IGFBP3: variants seen among roughly 807,000 people sequenced by gnomAD.
IGFBP3 encodes the protein insulin like growth factor binding protein 3, also known as insulin-like growth factor-binding protein 3.
Under a neutral mutation model 28.6 loss-of-function variants are expected in IGFBP3, and 9 were observed. The ratio of observed to expected loss-of-function variants is 0.31; its 90% CI spans 0.19 to 0.55. The LOEUF (loss-of-function observed/expected upper bound fraction) is 0.55, where lower values mean the gene tolerates loss of function less well. Ranked by LOEUF, IGFBP3 falls within the 20% of genes least tolerant of loss-of-function variation. The probability of loss-of-function intolerance (pLI) is 0.93; values close to 1 mark genes in which losing one functional copy is unlikely to be tolerated. For missense variants in IGFBP3, 382 were observed against 428.9 expected (o/e 0.89, Z 0.97); for synonymous variants, 185 against 188.2 (o/e 0.98, Z 0.14).
chr7:45,917,432 A>G lies in IGFBP3; in HGVS notation c.411T>C (p.Ala137=). 6.2e-7 allele frequency: 1 copy of G among 1,608,124 alleles called. No homozygotes were observed. The highest frequency in any genetic ancestry group is 1.3e-5 in the African/African-American group (1 of 74,848). ...LLPAPPAPGN[A]SESEEDRSAG... Reference sequence around the variant, plus strand: ...CGCTGCGGTCTTCCTCCGACTCACTAGCATTTCCTTAAAACGCCCAAGAGA... The same window carrying G: ...CGCTGCGGTCTTCCTCCGACTCACTGGCATTTCCTTAAAACGCCCAAGAGA... Residue 137 remains alanine, a synonymous_variant, in exon 2 of 5, where the codon GCT becomes GCC. Coordinates refer to ENST00000613132, the MANE Select transcript of IGFBP3 (RefSeq NM_000598.5).
In IGFBP3 at chr7:45,912,334, A is replaced by G. The variant is rs1374514139; in HGVS notation, c.*1516T>C. 6.6e-6 allele frequency: 1 copy of G among 151,886 alleles called. No homozygotes were observed. Among genetic ancestry groups the G allele is most frequent in the East Asian group, 1.9e-4 (1 of 5,204 alleles). 9.4% of individuals were successfully genotyped at this position (151,886 alleles called of 1,614,324 possible). A position where few individuals can be genotyped will look rare whatever the true frequency, so the allele number is the denominator to read the frequency against. ...GTGATACAAAGCCCAGAGATGGTCAATAACAAAGGGAAAGATATTTTTTTA... is the reference window on the plus strand; with the variant it reads ...GTGATACAAAGCCCAGAGATGGTCAGTAACAAAGGGAAAGATATTTTTTTA... On this transcript the variant is annotated 3_prime_UTR_variant, in exon 5 of 5. Transcript: ENST00000613132.
rs772546604 is a variant in IGFBP3, at chr7:45,916,642, T to C, written c.656A>G (p.Asp219Gly). Residue 219 changes from aspartate to glycine, a missense_variant, in exon 3 of 5, where the codon GAC becomes GGC. By Grantham distance (94) the Asp-to-Gly change is moderately conservative. Coordinates refer to ENST00000613132, the MANE Select transcript of IGFBP3 (RefSeq NM_000598.5). ...EYGPCRREME[D>G]TLNHLKFLNV... ...GAGGAACTTCAGGTGATTCAGTGTG[T>C]CTTCCATTTCTCTACGGCAGGGACC... 13 of 1,612,964 alleles carry C rather than the reference T, an allele frequency of 8.1e-6. No individual in the cohort carries two copies. The African/African-American group carries it at 1.1e-4, about 13-fold the overall frequency.
rs1330675011 is a variant in IGFBP3, at chr7:45,921,192, G to GGC, written c.-54_-53dup. 2.0e-6 allele frequency: 3 copies of GGC among 1,495,868 alleles called. No individual in the cohort carries two copies. The African/African-American group carries it at 4.3e-5, about 22-fold the overall frequency. 92.7% of individuals were successfully genotyped at this position (1,495,868 alleles called of 1,614,324 possible). On this transcript the variant is annotated 5_prime_UTR_variant, in exon 1 of 5. Coordinates refer to ENST00000613132, the MANE Select transcript of IGFBP3 (RefSeq NM_000598.5). Reference sequence around the variant, plus strand: ...TGGCAGGCTGGGCGCGCAGGGATGGGGCGACAGTACACGGCGCGAAGCTGT... The same window carrying GGC: ...TGGCAGGCTGGGCGCGCAGGGATGGGGCGCGACAGTACACGGCGCGAAGCTGT...
Position 45,919,601 on chromosome 7 carries a change from GGCCTGCCCA to G in IGFBP3, c.403+1128_403+1136del, listed in dbSNP as rs1784657202. Reference sequence around the variant, plus strand: ...GTTCATCCTGCTAGCCCTAGATGGGGGCCTGCCCAGTGACATCTGTCCAACGTGATCGTT... The same window carrying G: ...GTTCATCCTGCTAGCCCTAGATGGGGGTGACATCTGTCCAACGTGATCGTT... On this transcript the variant is annotated intron_variant, in intron 1 of 4. Transcript: ENST00000613132. Among the ~76,000 whole-genome samples the G allele has an allele frequency of 3.3e-5, 5 of 152,198 alleles. No homozygotes were observed. The South Asian group carries it at 1.0e-3, about 31-fold the overall frequency.
rs764547257 is a variant in IGFBP3 at position 45,916,657 on chromosome 7, C to T, written c.641G>A (p.Arg214His). ...ATTCAGTGTGTCTTCCATTTCTCTA[C>T]GGCAGGGACCCTGGGGATCAGGAAG... Reference protein sequence around the residue: ...SKRETEYGPCRREMEDTLNHL... With the variant: ...SKRETEYGPCHREMEDTLNHL... The change falls in exon 3 of 5, where the codon CGT (arginine) becomes CAT (histidine). Residue 214 changes from arginine to histidine, a missense_variant. Transcript: ENST00000613132. The T allele has an allele frequency of 4.4e-5, 71 of 1,612,440 alleles. No homozygotes were observed. Among genetic ancestry groups the T allele is most frequent in the Middle Eastern group, 1.6e-4 (1 of 6,080 alleles).
At position 45,914,821 on chromosome 7, in the gene IGFBP3, T is replaced by C; in HGVS notation, c.875A>G (p.Ter292TrpextTer40). 6.2e-7 allele frequency: 1 copy of C among 1,613,990 alleles called. No individual in the cohort carries two copies. The highest frequency in any genetic ancestry group is 8.5e-7 in the Non-Finnish European group (1 of 1,179,902). ...AGTACTCACCCTTGCGGCAGGCGTC[T>C]ACTTGCTCTGCATGCTGTAGCAGTG... The part of the protein sequence containing the change: ...DVHCYSMQSK[*>W] The change falls in exon 4 of 5, where the codon TAG becomes TGG. Residue 292 changes from the stop codon to tryptophan (W), a stop_lost. Coordinates refer to ENST00000613132, the MANE Select transcript of IGFBP3 (RefSeq NM_000598.5).
intron 3 of IGFBP3, among the ~76,000 whole-genome samples, chr7:45,915,969 C>T (rs1363144317): frequency 6.6e-6 from 1 of 152,202 alleles, no homozygotes; most frequent in Non-Finnish European, 1.5e-5. Context: ...CTGCAGTCAT[C>T]CCCCCACTCA....
rs148033014 is a variant in IGFBP3, at chr7:45,917,236, C to T, written c.607G>A (p.Glu203Lys). 43 of 1,613,610 alleles carry T rather than the reference C, an allele frequency of 2.7e-5. No individual in the cohort carries two copies. Among genetic ancestry groups the T allele is most frequent in the East Asian group, 2.2e-5 (1 of 44,840 alleles). Reference protein sequence around the residue: ...QSTDTQNFSSESKRETEYGPC... With the variant: ...QSTDTQNFSSKSKRETEYGPC... ...ACATATTCTGTCTCCCGCTTGGACT[C>T]GGAGGAGAAGTTCTGGGTATCTGTG... Residue 203 changes from glutamate to lysine, a missense_variant, in exon 2 of 5, where the codon GAG (glutamate) becomes AAG (lysine). By Grantham distance (56) the Glu-to-Lys change is moderately conservative. Coordinates refer to ENST00000613132, the MANE Select transcript of IGFBP3 (RefSeq NM_000598.5).
At chr7:45,920,666 C>T (rs986270275) in intron 1 of IGFBP3, 72 bp downstream of exon 1, 3 of 1,266,314 alleles carry the variant, frequency 2.4e-6, no homozygotes, top group Non-Finnish European at 2.0e-6. Context: ...CAGCGGCACC[C>T]AGCAACCCCC....
chr7:45,921,125 G>A lies in IGFBP3; in HGVS notation c.16C>T (p.Pro6Ser), dbSNP rs1376715706. Reference sequence around the variant, plus strand: ...GTCAGCGCAGCGGCCCAGAGCGTGGGTCGCGCCCGCTGCATGACGCCTGCA... The same window carrying A: ...GTCAGCGCAGCGGCCCAGAGCGTGGATCGCGCCCGCTGCATGACGCCTGCA... MQRAR[P>S]TLWAAALTLL... The change falls in exon 1 of 5, where the codon CCC becomes TCC. Residue 6 changes from proline (P) to serine (S), a missense_variant. Physicochemically the swap from Pro to Ser is moderately conservative, Grantham distance 74 (BLOSUM62 -1). Transcript: ENST00000613132. The A allele has an allele frequency of 1.3e-6, 2 of 1,497,848 alleles. No individual in the cohort carries two copies. The highest frequency in any genetic ancestry group is 2.8e-5 in the East Asian group (1 of 35,952). 92.8% of individuals were successfully genotyped at this position (1,497,848 alleles called of 1,614,324 possible).
At chr7:45,916,178 T>C (rs1210234289) in intron 3 of IGFBP3, among the ~76,000 whole-genome samples, 1 of 152,162 alleles carries the variant, frequency 6.6e-6, no homozygotes, top group Non-Finnish European at 1.5e-5. Context: ...CTGACTATAA[T>C]AGTTGTTTGA....
intron 1 of IGFBP3, 110 bp downstream of exon 1, chr7:45,920,627 TC>T: frequency 9.3e-7 from 1 of 1,072,914 alleles, no homozygotes; most frequent in Non-Finnish European, 1.2e-6. Flanking sequence ...ACATATTATC[TC>T]CAGTGAGAAG....
At chr7:45,917,469 G>A (rs771010762) in intron 1 of IGFBP3, 30 bp from the exon 2 acceptor site, 1 of 1,529,956 alleles carries the variant, frequency 6.5e-7, no homozygotes, top group South Asian at 1.2e-5. Flanking sequence ...ACAAACACAT[G>A]AGAGTCATCA....
intron 3 of IGFBP3, 159 bp from the exon 4 acceptor site, chr7:45,915,104 G>T: frequency 1.3e-6 from 1 of 755,696 alleles, no homozygotes; most frequent in Non-Finnish European, 2.1e-6. Context: ...GCGTGCCTAG[G>T]CCCGCTGAGT....
chr7:45,913,591 AAT>A lies in IGFBP3; in HGVS notation c.*257_*258del, dbSNP rs1275843215. The stretch of plus-strand genomic sequence containing the variant: ...TCTGGGTGCTGTGCTCGAGTCTCTG[AAT>A]ATTTTGATAGGAAGCGACAAGAAAA... On this transcript the variant is annotated 3_prime_UTR_variant, in exon 5 of 5. Coordinates refer to ENST00000613132, the MANE Select transcript of IGFBP3 (RefSeq NM_000598.5). 6.6e-6 allele frequency: 1 copy of A among 152,172 alleles called. No individual in the cohort carries two copies. Among genetic ancestry groups the A allele is most frequent in the Non-Finnish European group, 1.5e-5 (1 of 68,042 alleles). 9.4% of individuals were successfully genotyped at this position (152,172 alleles called of 1,614,324 possible).
At position 45,912,848 on chromosome 7, in the gene IGFBP3, C is replaced by T. The variant is rs1784562105; in HGVS notation, c.*1002G>A. Reference sequence around the variant, plus strand: ...ATGTGCTCCCAGTGTCCTGGATGGGCTCCCCAGCAAGCCATTCCTCCTTCC... The same window carrying T: ...ATGTGCTCCCAGTGTCCTGGATGGGTTCCCCAGCAAGCCATTCCTCCTTCC... On this transcript the variant is annotated 3_prime_UTR_variant, in exon 5 of 5. Coordinates refer to ENST00000613132, the MANE Select transcript of IGFBP3 (RefSeq NM_000598.5). 6.6e-6 allele frequency: 1 copy of T among 152,584 alleles called. No homozygotes were observed. Among genetic ancestry groups the T allele is most frequent in the African/African-American group, 2.4e-5 (1 of 41,444 alleles). 9.5% of individuals were successfully genotyped at this position (152,584 alleles called of 1,614,324 possible).
In IGFBP3 at chr7:45,920,846, C is replaced by G. The variant is rs1276539013; in HGVS notation, c.295G>C (p.Asp99His). The G allele has an allele frequency of 7.1e-7, 1 of 1,411,794 alleles. No homozygotes were observed. The highest frequency in any genetic ancestry group is 9.2e-7 in the Non-Finnish European group (1 of 1,090,942). The allele number at this position is 1,411,794 out of a possible 1,614,324, so 87.5% of individuals were successfully genotyped here. ...GSGLRCQPSP[D>H]EARPLQALLD... ...AGCGCCTGCAGCGGTCGCGCCTCGT[C>G]GGGCGACGGCTGGCAGCGAAGGCCG... Residue 99 changes from aspartate (D) to histidine (H), a missense_variant, in exon 1 of 5, where the codon GAC becomes CAC. Transcript: ENST00000613132.
At chr7:45,916,889 A>G in intron 2 of IGFBP3, 1 of 563,380 alleles carries the variant, frequency 1.8e-6, no homozygotes, top group Non-Finnish European at 3.2e-6. Context: ...GCTGGTATGG[A>G]ACCAATAGCA....
Position 45,917,368 on chromosome 7 carries a change from G to A in IGFBP3, c.475C>T (p.Arg159Trp), listed in dbSNP as rs1480235948. The change falls in exon 2 of 5, where the codon CGG (arginine) becomes TGG (tryptophan). Residue 159 changes from arginine to tryptophan, a missense_variant. Arg to Trp is a moderately radical substitution (Grantham distance 101). Transcript: ENST00000613132. The part of the protein sequence containing the change: ...VESPSVSSTH[R>W]VSDPKFHPLH... ...GGGTGGAACTTGGGATCAGACACCC[G>A]GTGCGTGCTGGAGACGGACGGGCTC... 1.9e-6 allele frequency: 3 copies of A among 1,614,020 alleles called. No individual in the cohort carries two copies. The highest frequency in any genetic ancestry group is 2.5e-6 in the Non-Finnish European group (3 of 1,179,998).
Sources: allele counts gnomAD v4.1 joint callset (sites outside exome capture counted in the v4.1 genomes callset), GRCh38; gene constraint gnomAD v4.1.1; transcripts MANE v1.5; gene names NCBI Gene and HGNC (gene_info 2026-07-23, HGNC 2026-07-21).